Variants in ZC2HC1B observed in about 807,000 individuals in gnomAD.
ZC2HC1B encodes zinc finger C2HC-type containing 1B.
A neutral mutation model predicts 31.0 loss-of-function variants in ZC2HC1B; 36 were observed. The observed-to-expected ratio is 1.16, with a 90% CI of 0.89 to 1.54. ZC2HC1B has a LOEUF of 1.54. ZC2HC1B is among the 40% of genes most tolerant of loss of function. The pLI is 0.00. For synonymous variants in ZC2HC1B, 73 were observed against 88.0 expected (o/e 0.83, Z 0.95); for missense variants, 260 against 268.6 (o/e 0.97, Z 0.22).
rs1432424380 is a variant in ZC2HC1B, at chr6:143,923,137, G to A, written c.599-14512G>A. ...TGTTGAACATTTTTTCCATATACCT[G>A]TTGTCCATTTTTAAGTCCTTTTTTT... On this transcript the variant is annotated intron_variant, in intron 6 of 7. Transcript: ENST00000237275. The surrounding 1 kb of genome is among the most constrained non-coding windows in gnomAD (Gnocchi z 4.8). Among the ~76,000 whole-genome samples, 3 of 151,796 alleles carry A rather than the reference G, an allele frequency of 2.0e-5. No homozygotes were observed.
At chr6:143,900,255 G>A (rs1682075927) in intron 5 of ZC2HC1B, among the ~76,000 whole-genome samples, 1 of 152,110 alleles carries the variant, frequency 6.6e-6, no homozygotes, top group African/African-American at 2.4e-5. Context: ...CGTGTGTGGT[G>A]TCACATGCCT....
In ZC2HC1B at chr6:143,918,667, G is replaced by T. The variant is rs1777948501; in HGVS notation, c.598+15515G>T. 6.6e-6 allele frequency among the ~76,000 whole-genome samples: 1 copy of T among 152,004 alleles called. No homozygotes were observed. The highest frequency in any genetic ancestry group is 1.5e-5 in the Non-Finnish European group (1 of 68,000). ...GCTCTTTTCTCTCTCTGCTCCTTCA[G>T]GTATTCCCACAATGCATATGTTGGT... On this transcript the variant is annotated intron_variant, in intron 6 of 7. Transcript: ENST00000237275. The surrounding 1 kb of genome is among the most constrained non-coding windows in gnomAD (Gnocchi z 4.1).
chr6:143,901,487 T>C (rs111695882), intron 5 of ZC2HC1B, among the ~76,000 whole-genome samples: 22 of 152,030 alleles, frequency 1.4e-4, no homozygotes, highest in African/African-American at 4.3e-4. Flanking sequence ...CTCGAACTCC[T>C]GACCTCAGGT....
chr6:143,878,514 T>G (rs6936757), intron 1 of ZC2HC1B, among the ~76,000 whole-genome samples: 29,641 of 150,084 alleles, frequency 0.2, 5,736 homozygotes, highest in African/African-American at 0.45. Context: ...GCCTAGAACA[T>G]TGCTGAAGTG....
At chr6:143,919,389 G>GT (rs36077189) in intron 6 of ZC2HC1B, among the ~76,000 whole-genome samples, 45,738 of 151,356 alleles carry the variant, frequency 0.3, 7,028 homozygotes, top group South Asian at 0.37. Context: ...CATATATGTA[G>GT]TTTTTTAAAA....
intron 1 of ZC2HC1B, among the ~76,000 whole-genome samples, chr6:143,874,876 A>C (rs1435409294): frequency 6.6e-6 from 1 of 152,122 alleles, no homozygotes; most frequent in East Asian, 1.9e-4. Context: ...TCTGTTACCC[A>C]GACTGCAGTG....
intron 1 of ZC2HC1B, among the ~76,000 whole-genome samples, chr6:143,880,400 TA>T (rs1339986116): frequency 2.0e-5 from 3 of 152,208 alleles, no homozygotes; most frequent in Non-Finnish European, 4.4e-5. Flanking sequence ...TAATTTTCAT[TA>T]AAAGTTTGGA....
At chr6:143,932,856 T>C (rs576766262) in intron 6 of ZC2HC1B, among the ~76,000 whole-genome samples, 104 of 152,306 alleles carry the variant, frequency 6.8e-4, no homozygotes, top group Non-Finnish European at 5.1e-4. Flanking sequence ...GGGTGAACCC[T>C]TGATGTGGTA....
rs1379683491 is a variant in ZC2HC1B, at chr6:143,937,720, C to T, written c.*1C>T. 6 of 1,546,788 alleles carry T rather than the reference C, an allele frequency of 3.9e-6. No homozygotes were observed. The highest frequency in any genetic ancestry group is 5.2e-6 in the Non-Finnish European group (6 of 1,145,580). On this transcript the variant is annotated 3_prime_UTR_variant, in exon 7 of 8. Coordinates refer to ENST00000237275, the MANE Select transcript of ZC2HC1B (RefSeq NM_001013623.3). ...TAGTAAATCTTCTAAAAAAGATTAA[C>T]TCCTAGAAGCCAGGTAAGAAAAAAA...
Position 143,886,193 on chromosome 6 carries a change from C to T in ZC2HC1B, c.210+42C>T, listed in dbSNP as rs537987837. 1.5e-4 allele frequency: 223 copies of T among 1,464,850 alleles called. No individual in the cohort carries two copies. The highest frequency in any genetic ancestry group is 2.0e-4 in the Admixed American group (7 of 35,726). The allele number at this position is 1,464,850 out of a possible 1,614,324, so 90.7% of individuals were successfully genotyped here. On this transcript the variant is annotated intron_variant, in intron 3 of 7. Transcript: ENST00000237275. The surrounding 1 kb of genome is among the most constrained non-coding windows in gnomAD (Gnocchi z 4.2). ...CTTTAGTGTTTGTTATTACATTCTG[C>T]GGTACTGTAAGGCCTATTTCTGGGA... is the stretch of plus-strand genomic sequence containing the variant.
At chr6:143,937,976 T>C (rs937140984) in intron 7 of ZC2HC1B, among the ~76,000 whole-genome samples, 166 bp from the exon 8 acceptor site, 1 of 152,266 alleles carries the variant, frequency 6.6e-6, no homozygotes, top group Admixed American at 6.5e-5. Flanking sequence ...GAAAGGTTAC[T>C]GCCTTTTCCC....
chr6:143,913,178 G>T lies in ZC2HC1B; in HGVS notation c.598+10026G>T, dbSNP rs998927492. ...CATCCCAGGGAGAGATCAGAGCTCT[G>T]TCCCTAATATGTGCAGGCAGGTGTG... On this transcript the variant is annotated intron_variant, in intron 6 of 7. Transcript: ENST00000237275. The surrounding 1 kb of genome is among the most constrained non-coding windows in gnomAD (Gnocchi z 5.7). Among the ~76,000 whole-genome samples the T allele has an allele frequency of 6.6e-6, 1 of 152,234 alleles. No homozygotes were observed. The highest frequency in any genetic ancestry group is 2.4e-5 in the African/African-American group (1 of 41,464).
At chr6:143,929,637 G>T (rs1420503807) in intron 6 of ZC2HC1B, among the ~76,000 whole-genome samples, 3 of 152,188 alleles carry the variant, frequency 2.0e-5, no homozygotes, top group African/African-American at 7.2e-5. Flanking sequence ...GACAGTTTCA[G>T]TTGGATTGGT....
Position 143,913,565 on chromosome 6 carries a change from G to T in ZC2HC1B, c.598+10413G>T, listed in dbSNP as rs150151003. On this transcript the variant is annotated intron_variant, in intron 6 of 7. Coordinates refer to ENST00000237275, the MANE Select transcript of ZC2HC1B (RefSeq NM_001013623.3). The surrounding 1 kb of genome is among the most constrained non-coding windows in gnomAD (Gnocchi z 5.7). ...GGGATATATGCAGACCACCTACCTT[G>T]CCTGTGTTGCAGAAAGACTGGTGTA... 2.7e-4 allele frequency among the ~76,000 whole-genome samples: 41 copies of T among 152,334 alleles called. No individual in the cohort carries two copies. The highest frequency in any genetic ancestry group is 9.6e-4 in the African/African-American group (40 of 41,588).
chr6:143,901,142 A>AT (rs1219924404), intron 5 of ZC2HC1B, among the ~76,000 whole-genome samples: 2 of 150,118 alleles, frequency 1.3e-5, no homozygotes, highest in Admixed American at 6.6e-5. Context: ...CGCGGCCTAG[A>AT]TTCAGTCTTG....
rs187634389 is a variant in ZC2HC1B, at chr6:143,868,284, A to T, written c.28+3717A>T. Among the ~76,000 whole-genome samples the T allele has an allele frequency of 3.3e-4, 51 of 152,282 alleles. No homozygotes were observed. Among genetic ancestry groups the T allele is most frequent in the African/African-American group, 1.1e-3 (46 of 41,554 alleles). On this transcript the variant is annotated intron_variant, in intron 1 of 7. Transcript: ENST00000237275. The surrounding 1 kb of genome is among the most constrained non-coding windows in gnomAD (Gnocchi z 4.2). ...AGGCTAGATCTGTATATAAAGGGGA[A>T]TTTATTAAGTATTAACTCACAATCA...
At chr6:143,912,804 C>T (rs80339703) in intron 6 of ZC2HC1B, among the ~76,000 whole-genome samples, 1,678 of 152,270 alleles carry the variant, frequency 0.011, 19 homozygotes, top group African/African-American at 0.027. Context: ...TGCCCCTGAT[C>T]GGTTTGGGCT....
rs1197795815 is a variant in ZC2HC1B at position 143,885,854 on chromosome 6, T to C, written c.91-178T>C. 2.0e-5 allele frequency among the ~76,000 whole-genome samples: 3 copies of C among 152,224 alleles called. No individual in the cohort carries two copies. The highest frequency in any genetic ancestry group is 7.2e-5 in the African/African-American group (3 of 41,460). ...TCTTTGCTCAAGCACAATATCTAGT[T>C]ATATGTAACATGGATGAGAAGAGCC... is the stretch of plus-strand genomic sequence containing the variant. On this transcript the variant is annotated intron_variant, in intron 2 of 7. Transcript: ENST00000237275. This position sits in a 1 kb window ranked among gnomAD's most constrained non-coding sequence, Gnocchi z 4.2.
chr6:143,894,982 T>C (rs1196595340), intron 4 of ZC2HC1B, among the ~76,000 whole-genome samples: 1 of 152,234 alleles, frequency 6.6e-6, no homozygotes, highest in Non-Finnish European at 1.5e-5. Context: ...ATTTCTATGC[T>C]AACACATAAT....
Sources: gnomAD v4.1 joint callset for allele counts (sites outside exome capture counted in the v4.1 genomes callset) on GRCh38, gnomAD v4.1.1 for gene constraint, Gnocchi (gnomAD v3.1) non-coding constraint, MANE v1.5 for transcripts, NCBI Gene and HGNC (gene_info 2026-07-23, HGNC 2026-07-21) for gene names.